Variants in CAMK2D observed in about 807,000 individuals in gnomAD.
CAMK2D encodes calcium/calmodulin-dependent protein kinase type II subunit delta.
In CAMK2D, 37 loss-of-function variants were observed where a neutral mutation model predicts 84.0. That is an observed-to-expected ratio of 0.44 (90% confidence interval 0.34 to 0.58). The LOEUF (loss-of-function observed/expected upper bound fraction) is 0.58. CAMK2D is among the 20% of genes least tolerant of loss of function. The probability of loss-of-function intolerance (pLI) is 0.02; values close to 1 mark genes in which losing one functional copy is unlikely to be tolerated. For missense variants in CAMK2D, 448 were observed against 652.5 expected, an observed-to-expected ratio of 0.69 and a Z score of 3.41; for synonymous variants, 202 against 212.5, an observed-to-expected ratio of 0.95 and a Z score of 0.43.
intron 14 of CAMK2D, 36 bp from the exon 15 acceptor site, chr4:113,503,013 CA>C: frequency 6.8e-7 from 1 of 1,472,170 alleles, no homozygotes; most frequent in South Asian, 1.1e-5. Flanking sequence ...AAACAGTTCG[CA>C]TTGGTAAGTA....
chr4:113,661,894 CAA>C, intron 2 of CAMK2D, 122 bp from the exon 3 acceptor site: 1 of 588,558 alleles, frequency 1.7e-6, no homozygotes, highest in Admixed American at 3.0e-5. Flanking sequence ...CATTTTGAAA[CAA>C]TGATAATTCA....
chr4:113,638,835 A>G (rs2099120380), intron 3 of CAMK2D, among the ~76,000 whole-genome samples: 2 of 152,202 alleles, frequency 1.3e-5, no homozygotes, highest in Admixed American at 6.5e-5. Context: ...GGTAAGGTGG[A>G]ATTTCTCATG....
intron 2 of CAMK2D, among the ~76,000 whole-genome samples, chr4:113,692,091 G>T (rs2099388684): frequency 6.6e-6 from 1 of 152,144 alleles, no homozygotes; most frequent in Admixed American, 6.5e-5. Context: ...TCAACCTCTT[G>T]TTCTCTAAGA....
chr4:113,525,697 C>T (rs1460829692), intron 8 of CAMK2D, among the ~76,000 whole-genome samples: 1 of 152,172 alleles, frequency 6.6e-6, no homozygotes, highest in Non-Finnish European at 1.5e-5. Flanking sequence ...TGCCCTGCTT[C>T]ACTCTGCTCT....
intron 4 of CAMK2D, among the ~76,000 whole-genome samples, chr4:113,573,848 AC>A (rs1278218504): frequency 6.6e-6 from 1 of 151,568 alleles, no homozygotes; most frequent in Non-Finnish European, 1.5e-5. Flanking sequence ...TGACTCCCCC[AC>A]CTTTTGCCTG....
chr4:113,496,114 G>A (rs2097924914), intron 16 of CAMK2D, among the ~76,000 whole-genome samples: 1 of 152,186 alleles, frequency 6.6e-6, no homozygotes, highest in Non-Finnish European at 1.5e-5. Context: ...GTCTTCACAT[G>A]TATACAGTGT....
At chr4:113,654,727 G>A (rs995207706) in intron 3 of CAMK2D, among the ~76,000 whole-genome samples, 1 of 151,714 alleles carries the variant, frequency 6.6e-6, no homozygotes, top group Non-Finnish European at 1.5e-5. Context: ...TGTGACTTTG[G>A]ACAAATCATA....
At chr4:113,692,942 T>C (rs1365845841) in intron 2 of CAMK2D, among the ~76,000 whole-genome samples, 1 of 152,192 alleles carries the variant, frequency 6.6e-6, no homozygotes, top group Non-Finnish European at 1.5e-5. Context: ...CTGCTTATAA[T>C]GGTTTTCATA....
chr4:113,517,591 T>TA lies in CAMK2D; in HGVS notation c.667dup (p.Tyr223LeufsTer10). On this transcript the variant is annotated frameshift_variant, in exon 9 of 21. Coordinates refer to ENST00000511664, the MANE Select transcript of CAMK2D (RefSeq NM_001321571.2). LOFTEE classifies it high-confidence loss of function. ...ATAAGCTCCAGCCTTGATCTGCTGATAGAGTCTGTGTTGGTCTTCATCCCA... is the reference window on the plus strand; with the variant it reads ...ATAAGCTCCAGCCTTGATCTGCTGATAAGAGTCTGTGTTGGTCTTCATCCCA... 1.3e-6 allele frequency: 2 copies of TA among 1,582,086 alleles called. No homozygotes were observed. The highest frequency in any genetic ancestry group is 1.7e-6 in the Non-Finnish European group (2 of 1,151,704).
chr4:113,746,851 AT>A (rs1220736978), intron 2 of CAMK2D, among the ~76,000 whole-genome samples: 1 of 151,116 alleles, frequency 6.6e-6, no homozygotes, highest in African/African-American at 2.4e-5. Flanking sequence ...TGGAATTAGG[AT>A]TTTTCCCAAC....
intron 2 of CAMK2D, among the ~76,000 whole-genome samples, chr4:113,663,590 AAAT>A (rs10525797): frequency 6.5e-4 from 95 of 145,890 alleles, no homozygotes; most frequent in South Asian, 4.1e-3. Flanking sequence ...CTCTGTCTAA[AAAT>A]AATAATAATA....
chr4:113,720,885 A>G (rs1418620693), intron 2 of CAMK2D, among the ~76,000 whole-genome samples: 3 of 152,102 alleles, frequency 2.0e-5, no homozygotes, highest in Admixed American at 2.0e-4. Context: ...ACCAGTGCAT[A>G]TTTTATTGAA....
At chr4:113,619,633 TTCCCCG>T (rs2099036680) in intron 3 of CAMK2D, among the ~76,000 whole-genome samples, 3 of 152,216 alleles carry the variant, frequency 2.0e-5, no homozygotes, top group Non-Finnish European at 4.4e-5. Context: ...CTGGAATTAT[TTCCCCG>T]ATATTCACAT....
intron 2 of CAMK2D, among the ~76,000 whole-genome samples, chr4:113,665,672 T>A (rs1269817163): frequency 6.6e-6 from 1 of 152,232 alleles, no homozygotes; most frequent in African/African-American, 2.4e-5. Context: ...ATTTATCATT[T>A]AATATTTATT....
chr4:113,503,087 G>A, intron 14 of CAMK2D, 110 bp from the exon 15 acceptor site: 1 of 803,120 alleles, frequency 1.2e-6, no homozygotes, highest in Non-Finnish European at 2.2e-6. Context: ...ATAGTGACAA[G>A]AGCTAAAGCG....
Position 113,761,622 on chromosome 4 carries a change from C to A in CAMK2D, c.-554G>T, listed in dbSNP as rs1301754448. 1.0e-6 allele frequency: 1 copy of A among 985,004 alleles called. No individual in the cohort carries two copies. The highest frequency in any genetic ancestry group is 6.2e-5 in the Admixed American group (1 of 16,252). The allele number at this position is 985,004 out of a possible 1,614,324, so 61.0% of individuals were successfully genotyped here. On this transcript the variant is annotated 5_prime_UTR_variant, in exon 1 of 21. Transcript: ENST00000511664. ...GCGCCGGGGCTCCGACGAGCGTGCGCGCCCGAGGCCGGCTTCCCTCCGGCG... is the reference window on the plus strand; with the variant it reads ...GCGCCGGGGCTCCGACGAGCGTGCGAGCCCGAGGCCGGCTTCCCTCCGGCG...
In CAMK2D at chr4:113,535,797, G is replaced by A. The variant is rs139294852; in HGVS notation, c.517+1544C>T. Among the ~76,000 whole-genome samples, 326 of 152,300 alleles carry A rather than the reference G, an allele frequency of 2.1e-3. 1 individual carries two copies. Among genetic ancestry groups the A allele is most frequent in the African/African-American group, 7.5e-3 (310 of 41,566 alleles). On this transcript the variant is annotated intron_variant, in intron 7 of 20. Coordinates refer to ENST00000511664, the MANE Select transcript of CAMK2D (RefSeq NM_001321571.2). ...ATTATTGAACCTCTCTCCAGAGGCA[G>A]GTTTTTGTACTTCCTGTCTTGTGTT... is the stretch of plus-strand genomic sequence containing the variant.
chr4:113,473,579 A>G (rs936009438), intron 16 of CAMK2D, among the ~76,000 whole-genome samples: 2 of 152,200 alleles, frequency 1.3e-5, no homozygotes, highest in African/African-American at 4.8e-5. Flanking sequence ...TCCAGAAGTC[A>G]CCTGTTGAAT....
intron 3 of CAMK2D, among the ~76,000 whole-genome samples, chr4:113,640,278 G>C (rs2099127159): frequency 6.6e-6 from 1 of 152,140 alleles, no homozygotes; most frequent in Admixed American, 6.5e-5. Flanking sequence ...CTCTAAAATA[G>C]ATTTGGGAGT....
Sources: allele counts gnomAD v4.1 joint callset (sites outside exome capture counted in the v4.1 genomes callset), GRCh38; gene constraint gnomAD v4.1.1; transcripts MANE v1.5; gene names NCBI Gene and HGNC (gene_info 2026-07-23, HGNC 2026-07-21).